The following IL6ST variants were observed in gnomAD, a reference collection of about 807,000 sequenced individuals.
The protein encoded by IL6ST is interleukin-6 receptor subunit beta.
A neutral mutation model predicts 91.3 loss-of-function variants in IL6ST; 24 were observed. The observed-to-expected ratio is 0.26, with a 90% CI of 0.19 to 0.37. The LOEUF (loss-of-function observed/expected upper bound fraction) is 0.37. Ranked by LOEUF, IL6ST falls within the 10% of genes least tolerant of loss-of-function variation. The pLI is 1.00. For missense variants in IL6ST, 914 were observed against 1,078.5 expected, an observed-to-expected ratio of 0.85 and a Z score of 2.14; for synonymous variants, 351 against 373.6, an observed-to-expected ratio of 0.94 and a Z score of 0.70.
In IL6ST at chr5:55,976,299, A is replaced by AC; in HGVS notation, c.-15-7dup. On this transcript the variant is annotated splice_polypyrimidine_tract_variant and splice_region_variant and intron_variant, in intron 2 of 16. Transcript: ENST00000381298. ...AACATCTTGCGCGGATATTTCTGCA[A>AC]CAGACACATGTAATATTACTTTTAA... is the stretch of plus-strand genomic sequence containing the variant. 1 of 1,540,976 alleles carries AC rather than the reference A, an allele frequency of 6.5e-7. No individual in the cohort carries two copies. Among genetic ancestry groups the AC allele is most frequent in the Non-Finnish European group, 8.8e-7 (1 of 1,131,074 alleles).
Position 55,987,675 on chromosome 5 carries a change from G to A in IL6ST, c.-103-4864C>T, listed in dbSNP as rs138270817. Among the ~76,000 whole-genome samples the A allele has an allele frequency of 3.5e-3, 536 of 152,128 alleles. 6 individuals carry two copies. Among genetic ancestry groups the A allele is most frequent in the African/African-American group, 0.011 (438 of 41,504 alleles). The stretch of plus-strand genomic sequence containing the variant: ...TTTACTTCCTTTATCTGTAAACATG[G>A]GGTACCACCACCACCTACCCATCTA... On this transcript the variant is annotated intron_variant, in intron 1 of 16. Coordinates refer to ENST00000381298, the MANE Select transcript of IL6ST (RefSeq NM_002184.4).
chr5:55,945,165 T>C (rs1216906723), intron 15 of IL6ST, among the ~76,000 whole-genome samples: 1 of 151,982 alleles, frequency 6.6e-6, no homozygotes, highest in East Asian at 1.9e-4. Context: ...AATTAAAATG[T>C]ATATGAAAAG....
At chr5:55,968,830 C>G (rs1245300440) in intron 4 of IL6ST, among the ~76,000 whole-genome samples, 2 of 152,156 alleles carry the variant, frequency 1.3e-5, no homozygotes, top group Non-Finnish European at 1.5e-5. Flanking sequence ...AATGCCAAAA[C>G]AGTAAAGTCT....
intron 1 of IL6ST, among the ~76,000 whole-genome samples, chr5:55,993,389 T>C (rs1754443467): frequency 1.3e-5 from 2 of 152,230 alleles, no homozygotes; most frequent in African/African-American, 4.8e-5. Flanking sequence ...GTATTTAACT[T>C]TCGCCCTAAC....
At chr5:55,964,012 TA>T (rs1752489120) in intron 6 of IL6ST, 133 bp downstream of exon 6, 1 of 421,088 alleles carries the variant, frequency 2.4e-6, no homozygotes, top group Admixed American at 4.4e-5. Context: ...TCTAAAAAAG[TA>T]AAATCTAAAA....
chr5:55,964,616 T>C (rs1419205806), intron 5 of IL6ST, among the ~76,000 whole-genome samples: 1 of 152,206 alleles, frequency 6.6e-6, no homozygotes, highest in East Asian at 1.9e-4. Context: ...ATCCCAGTGC[T>C]GTTTTTTCTT....
intron 1 of IL6ST, among the ~76,000 whole-genome samples, chr5:55,987,908 G>A (rs1754068029): frequency 6.6e-6 from 1 of 151,784 alleles, no homozygotes; most frequent in Non-Finnish European, 1.5e-5. Flanking sequence ...CGAGGCAGGT[G>A]GATCACAAGG....
chr5:55,975,393 A>T (rs1753228182), intron 3 of IL6ST, among the ~76,000 whole-genome samples: 1 of 151,982 alleles, frequency 6.6e-6, no homozygotes, highest in African/African-American at 2.4e-5. Context: ...CATGACTGGA[A>T]ACTTCCCAAA....
intron 15 of IL6ST, chr5:55,944,737 G>A (rs1306698140): frequency 1.5e-5 from 15 of 1,034,252 alleles, no homozygotes; most frequent in African/African-American, 8.0e-5. Flanking sequence ...CAAGTAAACC[G>A]CTAGCTTGTT....
At chr5:55,967,586 G>A (rs1752711078) in intron 5 of IL6ST, among the ~76,000 whole-genome samples, 1 of 151,918 alleles carries the variant, frequency 6.6e-6, no homozygotes, top group South Asian at 2.1e-4. Flanking sequence ...TGTAACAGTG[G>A]TATGTTGTTA....
chr5:55,982,966 A>G (rs1285052229), intron 1 of IL6ST, among the ~76,000 whole-genome samples, 155 bp from the exon 2 acceptor site: 1 of 151,808 alleles, frequency 6.6e-6, no homozygotes, highest in Non-Finnish European at 1.5e-5. Context: ...TAAACCCATA[A>G]ACACTTGTAT....
rs375401229 is a variant in IL6ST, at chr5:55,952,378, T to A, written c.1451-27A>T. On this transcript the variant is annotated intron_variant, in intron 11 of 16. Transcript: ENST00000381298. ...TAAAGCAAGAATAGCAGATTAAGCA[T>A]GTTTTTCCATAATGAAAAAGTCAAG... The A allele has an allele frequency of 2.3e-6, 3 of 1,297,692 alleles. No homozygotes were observed. In the Admixed American group the frequency reaches 5.6e-5, roughly 24 times the overall value. The allele number at this position is 1,297,692 out of a possible 1,614,324, so 80.4% of individuals were successfully genotyped here.
chr5:55,979,794 T>G lies in IL6ST; in HGVS notation c.-16+2930A>C, dbSNP rs142033155. Among the ~76,000 whole-genome samples, 56 of 152,348 alleles carry G rather than the reference T, an allele frequency of 3.7e-4. No homozygotes were observed. In the East Asian group the frequency reaches 6.7e-3, roughly 18 times the overall value. On this transcript the variant is annotated intron_variant, in intron 2 of 16. Transcript: ENST00000381298. ...ATTCTAATGATTCTACTTTATTTTA[T>G]CCTACAGATATGAATAAAACAACAC...
Position 55,960,324 on chromosome 5 carries a change from G to A in IL6ST, c.973+78C>T, listed in dbSNP as rs1752234519. On this transcript the variant is annotated intron_variant, in intron 8 of 16. Coordinates refer to ENST00000381298, the MANE Select transcript of IL6ST (RefSeq NM_002184.4). ...ATGATCACAAACTAAGAAGCAATGAGGCTATATTATTAAAACCAGAACCAG... is the reference window on the plus strand; with the variant it reads ...ATGATCACAAACTAAGAAGCAATGAAGCTATATTATTAAAACCAGAACCAG... 4 of 1,087,488 alleles carry A rather than the reference G, an allele frequency of 3.7e-6. No individual in the cohort carries two copies. The East Asian group carries it at 9.6e-5, about 26-fold the overall frequency. The allele number at this position is 1,087,488 out of a possible 1,614,324, so 67.4% of individuals were successfully genotyped here.
At chr5:55,972,208 G>C (rs548100892) in intron 3 of IL6ST, among the ~76,000 whole-genome samples, 2 of 152,218 alleles carry the variant, frequency 1.3e-5, no homozygotes, top group African/African-American at 4.8e-5. Context: ...CAGAATAAGA[G>C]AAATATTAAA....
chr5:55,968,178 A>T (rs1752750432), intron 5 of IL6ST, 98 bp downstream of exon 5: 12 of 1,071,952 alleles, frequency 1.1e-5, no homozygotes, highest in Non-Finnish European at 1.6e-5. Flanking sequence ...TAAATGTTTT[A>T]AAATAGCATT....
At chr5:55,993,201 GA>G (rs1754430981) in intron 1 of IL6ST, among the ~76,000 whole-genome samples, 1 of 152,152 alleles carries the variant, frequency 6.6e-6, no homozygotes, top group Non-Finnish European at 1.5e-5. Context: ...CACTGTAGAG[GA>G]TTTATGGGTT....
At chr5:55,973,983 T>C (rs1466343041) in intron 3 of IL6ST, among the ~76,000 whole-genome samples, 1 of 152,170 alleles carries the variant, frequency 6.6e-6, no homozygotes, top group Non-Finnish European at 1.5e-5. Flanking sequence ...ATATATCCTA[T>C]TTAGGTAATA....
At chr5:55,993,732 T>G (rs540327783) in intron 1 of IL6ST, among the ~76,000 whole-genome samples, 1 of 152,338 alleles carries the variant, frequency 6.6e-6, no homozygotes, top group South Asian at 2.1e-4. Flanking sequence ...TAATAGCAAG[T>G]TGGTTCTATA....
Sources: allele counts gnomAD v4.1 joint callset (sites outside exome capture counted in the v4.1 genomes callset), GRCh38; gene constraint gnomAD v4.1.1; transcripts MANE v1.5; gene names NCBI Gene and HGNC (gene_info 2026-07-23, HGNC 2026-07-21).